The following PKP2 variants were observed in gnomAD, a reference collection of about 807,000 sequenced individuals.
PKP2 encodes the protein plakophilin 2.
PKP2 carries 73 observed loss-of-function variants against 83.4 expected under a neutral mutation model. The observed-to-expected ratio is 0.88, with a 90% CI of 0.72 to 1.06. The LOEUF (loss-of-function observed/expected upper bound fraction) is 1.06, where lower values mean the gene tolerates loss of function less well. Ranked by LOEUF, PKP2 falls within the 50% of genes least tolerant of loss-of-function variation. The pLI, the probability that PKP2 is intolerant of heterozygous loss-of-function variation, is 0.00. For missense variants in PKP2, 966 were observed against 1,065.4 expected (o/e 0.91, Z 1.30); for synonymous variants, 409 against 430.4 (o/e 0.95, Z 0.62).
chr12:32,801,199 G>C (rs1956174939), intron 10 of PKP2, among the ~76,000 whole-genome samples: 1 of 152,180 alleles, frequency 6.6e-6, no homozygotes, highest in African/African-American at 2.4e-5. Flanking sequence ...CCGACATTTA[G>C]GGGACTGCAG....
intron 9 of PKP2, among the ~76,000 whole-genome samples, chr12:32,818,140 C>T (rs1428603684): frequency 2.6e-5 from 4 of 152,054 alleles, no homozygotes; most frequent in South Asian, 2.1e-4. Context: ...CATTTTTTTC[C>T]GATCGATATT....
chr12:32,841,435 G>C (rs1267694336), intron 5 of PKP2, among the ~76,000 whole-genome samples: 1 of 152,144 alleles, frequency 6.6e-6, no homozygotes, highest in African/African-American at 2.4e-5. Context: ...TACAAACTGT[G>C]CAGGTTTAAA....
chr12:32,894,277 T>TA (rs1169639598), intron 1 of PKP2: 2 of 152,166 alleles, frequency 1.3e-5, no homozygotes, highest in African/African-American at 4.8e-5. Context: ...TTGGGTCACT[T>TA]ACTACTTTTT....
In PKP2 at chr12:32,869,016, C is replaced by G. The variant is rs375404471; in HGVS notation, c.1081G>C (p.Glu361Gln). 2 of 1,613,896 alleles carry G rather than the reference C, an allele frequency of 1.2e-6. No homozygotes were observed. Among genetic ancestry groups the G allele is most frequent in the African/African-American group, 1.3e-5 (1 of 75,042 alleles). The stretch of plus-strand genomic sequence containing the variant: ...CTGGATGGCAGCATGTGGTCTGCCT[C>G]GAGCATACTCACTGCTCGCTCCAGA... ...MTLERAVSML[E>Q]ADHMLPSRIS... is the part of the protein sequence containing the mutation. Residue 361 changes from glutamate (E) to glutamine (Q), a missense_variant, in exon 4 of 13, where the codon GAG becomes CAG. Coordinates refer to ENST00000340811, the MANE Select transcript of PKP2 (RefSeq NM_001005242.3).
At position 32,850,896 on chromosome 12, in the gene PKP2, A is replaced by C. The variant is rs794729104; in HGVS notation, c.1248T>G (p.Cys416Trp). 1.2e-6 allele frequency: 2 copies of C among 1,614,114 alleles called. No homozygotes were observed. The highest frequency in any genetic ancestry group is 1.1e-5 in the South Asian group (1 of 91,078). ...VQNEDVQRAV[C>W]GALRNLVFED... The stretch of plus-strand genomic sequence containing the variant: ...CAAATACTAAGTTTCTCAAGGCCCC[A>C]CACACAGCTCGCTGAACGTCTTCAT... The change falls in exon 5 of 13, where the codon TGT (cysteine) becomes TGG (tryptophan). Residue 416 changes from cysteine (C) to tryptophan (W), a missense_variant. Transcript: ENST00000340811.
At chr12:32,824,285 G>A in intron 6 of PKP2, 123 bp from the exon 7 acceptor site, 1 of 741,174 alleles carries the variant, frequency 1.3e-6, no homozygotes. Flanking sequence ...GTAAAAGTGT[G>A]GCAGACTTGC....
At chr12:32,859,332 TTTAAAC>T (rs1169979143) in intron 4 of PKP2, among the ~76,000 whole-genome samples, 1 of 152,252 alleles carries the variant, frequency 6.6e-6, no homozygotes, top group Non-Finnish European at 1.5e-5. Flanking sequence ...CTCATTCCAC[TTTAAAC>T]TTAAACTAAA....
intron 9 of PKP2, among the ~76,000 whole-genome samples, chr12:32,816,475 A>G (rs969685894): frequency 6.0e-4 from 92 of 152,156 alleles, no homozygotes; most frequent in Non-Finnish European, 4.4e-5. Flanking sequence ...CATTTTCTTT[A>G]TCCAATCCAC....
At chr12:32,836,001 A>G (rs1281258598) in intron 6 of PKP2, among the ~76,000 whole-genome samples, 2 of 152,200 alleles carry the variant, frequency 1.3e-5, no homozygotes, top group Non-Finnish European at 2.9e-5. Flanking sequence ...AGCTACCAAC[A>G]TGATGTCACT....
At chr12:32,793,917 C>T (rs1162214127) in intron 11 of PKP2, among the ~76,000 whole-genome samples, 1 of 152,020 alleles carries the variant, frequency 6.6e-6, no homozygotes, top group Non-Finnish European at 1.5e-5. Flanking sequence ...TTAACTTTAT[C>T]CTAAATGTCC....
chr12:32,831,815 G>A (rs973638834), intron 6 of PKP2, among the ~76,000 whole-genome samples: 3 of 152,186 alleles, frequency 2.0e-5, no homozygotes, highest in Non-Finnish European at 2.9e-5. Context: ...AGGGACCTTT[G>A]TAAGGTGGTC....
At chr12:32,807,952 C>T (rs1034712009) in intron 9 of PKP2, among the ~76,000 whole-genome samples, 2 of 152,120 alleles carry the variant, frequency 1.3e-5, no homozygotes, top group Non-Finnish European at 2.9e-5. Flanking sequence ...TCTCTGGCTG[C>T]CCTTAACACT....
In PKP2 at chr12:32,841,175, T is replaced by C; in HGVS notation, c.1409A>G (p.Lys470Arg). The part of the protein sequence containing the change: ...GLLWNLSSND[K>R]LKNLMITEAL... ...TTCTGTTATCATGAGATTCTTGAGT[T>C]TGTCATTAGATGACAAATTCCACAG... Residue 470 changes from lysine (K) to arginine (R), a missense_variant, in exon 6 of 13, where the codon AAA (lysine) becomes AGA (arginine). Lys to Arg is a conservative substitution (Grantham distance 26). Coordinates refer to ENST00000340811, the MANE Select transcript of PKP2 (RefSeq NM_001005242.3). The C allele has an allele frequency of 6.2e-7, 1 of 1,613,792 alleles. No individual in the cohort carries two copies. Among genetic ancestry groups the C allele is most frequent in the Middle Eastern group, 1.6e-4 (1 of 6,062 alleles).
At chr12:32,826,384 T>A (rs7959230) in intron 6 of PKP2, among the ~76,000 whole-genome samples, 1 of 150,680 alleles carries the variant, frequency 6.6e-6, no homozygotes, top group Non-Finnish European at 1.5e-5. Flanking sequence ...ACAGAGATCA[T>A]ATCTATAGGT....
At chr12:32,893,297 T>C (rs1175753614) in intron 1 of PKP2, 6 of 152,232 alleles carry the variant, frequency 3.9e-5, no homozygotes, top group Non-Finnish European at 8.8e-5. Flanking sequence ...CTTTTCTTCC[T>C]GGAATTTCTT....
At chr12:32,811,272 A>T (rs1310240669) in intron 9 of PKP2, among the ~76,000 whole-genome samples, 1 of 152,210 alleles carries the variant, frequency 6.6e-6, no homozygotes, top group Non-Finnish European at 1.5e-5. Context: ...ACATCCCAGC[A>T]TATTCTGTTC....
chr12:32,851,351 CG>C (rs1956695406), intron 4 of PKP2, among the ~76,000 whole-genome samples: 2 of 151,958 alleles, frequency 1.3e-5, no homozygotes, highest in African/African-American at 2.4e-5. Flanking sequence ...TCCAAAATTA[CG>C]TAAGTTTTTT....
At chr12:32,862,368 C>T (rs896508638) in intron 4 of PKP2, among the ~76,000 whole-genome samples, 1 of 152,142 alleles carries the variant, frequency 6.6e-6, no homozygotes, top group African/African-American at 2.4e-5. Context: ...TCAGGTAGGC[C>T]AGGCATGGTG....
Position 32,808,673 on chromosome 12 carries a change from C to T in PKP2, c.2014-6117G>A, listed in dbSNP as rs372959233. 3.5e-4 allele frequency among the ~76,000 whole-genome samples: 54 copies of T among 152,236 alleles called. 1 individual carries two copies. The East Asian group carries it at 6.6e-3, about 18-fold the overall frequency. On this transcript the variant is annotated intron_variant, in intron 9 of 12. Transcript: ENST00000340811. ...TCTTTGTGGGCTTATCTACCTTCGA[C>T]CTTTGAGGCTGCTGACTTCTGAAAA...
Sources: gnomAD v4.1 joint callset for allele counts (sites outside exome capture counted in the v4.1 genomes callset) on GRCh38, gnomAD v4.1.1 for gene constraint, MANE v1.5 for transcripts, NCBI Gene and HGNC (gene_info 2026-07-23, HGNC 2026-07-21) for gene names.